The following ARHGAP36 variants were observed in gnomAD, a reference collection of about 807,000 sequenced individuals.
ARHGAP36 encodes the protein Rho GTPase activating protein 36, also known as rho GTPase-activating protein 36.
In ARHGAP36, 7 loss-of-function variants were observed where a neutral mutation model predicts 32.9. The ratio of observed to expected loss-of-function variants is 0.21; its 90% CI spans 0.12 to 0.40. ARHGAP36 has a LOEUF of 0.40. Ranked by LOEUF, ARHGAP36 falls within the 10% of genes least tolerant of loss-of-function variation. The probability of loss-of-function intolerance (pLI) is 1.00; values close to 1 mark genes in which losing one functional copy is unlikely to be tolerated. For missense variants in ARHGAP36, 383 were observed against 442.2 expected, an observed-to-expected ratio of 0.87 and a Z score of 1.20; for synonymous variants, 165 against 168.3, an observed-to-expected ratio of 0.98 and a Z score of 0.15.
chrX:131,080,722 A>G (rs2079792098), intron 1 of ARHGAP36, among the ~76,000 whole-genome samples: 1 of 112,519 alleles, frequency 8.9e-6, no homozygotes, highest in Non-Finnish European at 1.9e-5. Context: ...TGGTCTGGAA[A>G]TGATGTTTGT....
At chrX:131,084,507 G>A in intron 5 of ARHGAP36, 100 bp downstream of exon 5, 3 of 1,132,803 alleles carry the variant, frequency 2.6e-6, no homozygotes, top group African/African-American at 3.6e-5. Context: ...TGAAGGGCTT[G>A]GATAACATTC....
intron 1 of ARHGAP36, 121 bp downstream of exon 1, chrX:131,058,565 C>T (rs944398509): frequency 4.9e-6 from 3 of 615,440 alleles, no homozygotes; most frequent in Non-Finnish European, 6.7e-6. Flanking sequence ...TTCCTGCTGG[C>T]TTTTAGCTAA....
At chrX:131,085,484 T>C in intron 7 of ARHGAP36, 104 bp from the exon 8 acceptor site, 1 of 998,285 alleles carries the variant, frequency 1.0e-6, no homozygotes, top group Middle Eastern at 4.1e-4. Flanking sequence ...CTGGGTACTT[T>C]CTCCATAACT....
intron 4 of ARHGAP36, 63 bp downstream of exon 4, chrX:131,084,032 C>A (rs2079820939): frequency 8.7e-7 from 1 of 1,145,528 alleles, no homozygotes. Flanking sequence ...AATGTGAGGC[C>A]GGAGGATCAA....
At chrX:131,088,425 C>T (rs186666653) in intron 11 of ARHGAP36, among the ~76,000 whole-genome samples, 1 of 112,073 alleles carries the variant, frequency 8.9e-6, no homozygotes, top group African/African-American at 3.2e-5. Context: ...TTTCCCAGTT[C>T]CCACAGTGGT....
intron 1 of ARHGAP36, among the ~76,000 whole-genome samples, chrX:131,062,000 G>C (rs1346211467): frequency 8.9e-6 from 1 of 112,248 alleles, no homozygotes; most frequent in Admixed American, 9.4e-5. Flanking sequence ...AGGTCCGTGA[G>C]GGTGATTATG....
At chrX:131,086,166 T>A (rs1325862706) in intron 9 of ARHGAP36, 77 bp downstream of exon 9, 1 of 1,144,274 alleles carries the variant, frequency 8.7e-7, no homozygotes, top group African/African-American at 1.8e-5. Context: ...TGTACCTGCA[T>A]CTTTGAGGGT....
At chrX:131,070,656 A>G (rs780160185) in intron 1 of ARHGAP36, among the ~76,000 whole-genome samples, 6 of 111,583 alleles carry the variant, frequency 5.4e-5, no homozygotes, top group Admixed American at 2.8e-4. Flanking sequence ...GTCATTTCAC[A>G]CATTCCTCTC....
intron 1 of ARHGAP36, among the ~76,000 whole-genome samples, chrX:131,076,679 T>C (rs1477816968): frequency 8.9e-6 from 1 of 111,839 alleles, no homozygotes; most frequent in South Asian, 3.8e-4. Context: ...GGTGCGTCAA[T>C]GGCAAGAGCC....
At chrX:131,068,237 G>A (rs2079711435) in intron 1 of ARHGAP36, among the ~76,000 whole-genome samples, 1 of 110,959 alleles carries the variant, frequency 9.0e-6, no homozygotes, top group African/African-American at 3.3e-5. Context: ...GCACCCGCGC[G>A]CGCGCACACA....
chrX:131,083,080 T>G (rs1014942148), intron 2 of ARHGAP36, 85 bp from the exon 3 acceptor site: 3 of 980,524 alleles, frequency 3.1e-6, no homozygotes, highest in Non-Finnish European at 4.2e-6. Context: ...TCCCTCCCCC[T>G]GCTGCAGATC....
In ARHGAP36 at chrX:131,082,093, G is replaced by C. The variant is rs535709886; in HGVS notation, c.253+175G>C. On this transcript the variant is annotated intron_variant, in intron 2 of 11. Transcript: ENST00000276211. ...AAGCCGGAGTTGAAGGCTGTTTGTT[G>C]AATTGCGGAAGAGGTAAAAATTAGT... is the stretch of plus-strand genomic sequence containing the variant. Among the ~76,000 whole-genome samples the C allele has an allele frequency of 2.7e-5, 3 of 111,948 alleles. No homozygotes were observed. The South Asian group carries it at 1.1e-3, about 42-fold the overall frequency.
chrX:131,067,465 A>T (rs1017806985), intron 1 of ARHGAP36, among the ~76,000 whole-genome samples: 60 of 113,251 alleles, frequency 5.3e-4, no homozygotes, highest in Middle Eastern at 4.6e-3. Context: ...TTGCCGACAC[A>T]GAGGTGGGCG....
intron 1 of ARHGAP36, among the ~76,000 whole-genome samples, chrX:131,069,000 G>A (rs1268425656): frequency 8.9e-6 from 1 of 112,129 alleles, no homozygotes; most frequent in East Asian, 2.8e-4. Flanking sequence ...CAGCTGTTGG[G>A]CAGTCAGTCG....
rs968598578 is a variant in ARHGAP36, at chrX:131,078,649, T to C, written c.-142-2875T>C. On this transcript the variant is annotated intron_variant, in intron 1 of 11. Coordinates refer to ENST00000276211, the MANE Select transcript of ARHGAP36 (RefSeq NM_144967.4). Reference sequence around the variant, plus strand: ...CATAGTGCGAAAGCCTGCCTACTCATTCCCCCTCCCCACCCCACCCATCTG... The same window carrying C: ...CATAGTGCGAAAGCCTGCCTACTCACTCCCCCTCCCCACCCCACCCATCTG... 5.5e-6 allele frequency: 4 copies of C among 727,602 alleles called. No individual in the cohort carries two copies. The African/African-American group carries it at 8.9e-5, about 16-fold the overall frequency. 60.0% of individuals were successfully genotyped at this position (727,602 alleles called of 1,213,427 possible).
chrX:131,085,419 T>C (rs1427288392), intron 7 of ARHGAP36, among the ~76,000 whole-genome samples, 169 bp from the exon 8 acceptor site: 4 of 109,806 alleles, frequency 3.6e-5, no homozygotes, highest in Non-Finnish European at 7.6e-5. Context: ...GGGGCACTTC[T>C]TGCTTTCAGA....
intron 1 of ARHGAP36, among the ~76,000 whole-genome samples, chrX:131,072,608 C>G (rs931630821): frequency 8.9e-6 from 1 of 111,890 alleles, no homozygotes; most frequent in Non-Finnish European, 1.9e-5. Context: ...ACCTCCATTT[C>G]TGCTCTTCCT....
chrX:131,086,143 G>C (rs888330943), intron 9 of ARHGAP36, 54 bp downstream of exon 9: 4 of 1,179,711 alleles, frequency 3.4e-6, no homozygotes, highest in South Asian at 3.7e-5. Flanking sequence ...CTGTTCACAA[G>C]GCAAGGCACA....
chrX:131,067,399 C>T (rs1401394281), intron 1 of ARHGAP36, among the ~76,000 whole-genome samples: 1 of 113,366 alleles, frequency 8.8e-6, no homozygotes, highest in Non-Finnish European at 1.9e-5. Flanking sequence ...CGTGCGGTGC[C>T]CTCCTCTTCT....
Sources: allele counts gnomAD v4.1 joint callset (sites outside exome capture counted in the v4.1 genomes callset), GRCh38; gene constraint gnomAD v4.1.1; transcripts MANE v1.5; gene names NCBI Gene and HGNC (gene_info 2026-07-23, HGNC 2026-07-21).